PPP1R8: variants seen among roughly 807,000 people sequenced by gnomAD.
The protein encoded by PPP1R8 is nuclear inhibitor of protein phosphatase 1.
A neutral mutation model predicts 31.3 loss-of-function variants in PPP1R8; 4 were observed. The ratio of observed to expected loss-of-function variants is 0.13; its 90% CI spans 0.06 to 0.29. PPP1R8 has a LOEUF of 0.29. Ranked by LOEUF, PPP1R8 falls within the 10% of genes least tolerant of loss-of-function variation. PPP1R8 has a pLI of 1.00. For synonymous variants in PPP1R8, 170 were observed against 169.7 expected (o/e 1.00, Z -0.01); for missense variants, 254 against 440.1 (o/e 0.58, Z 3.78).
At chr1:27,833,614 A>T (rs1170889735) in intron 2 of PPP1R8, among the ~76,000 whole-genome samples, 1 of 152,228 alleles carries the variant, frequency 6.6e-6, no homozygotes. Flanking sequence ...TATTAAGCCC[A>T]CTATGACCAT....
At chr1:27,831,325 C>T (rs2089103520) in intron 1 of PPP1R8, 4 of 993,534 alleles carry the variant, frequency 4.0e-6, no homozygotes, top group Non-Finnish European at 4.8e-6. Flanking sequence ...GTTGCTGCAT[C>T]CCTCGTGCGG....
intron 2 of PPP1R8, among the ~76,000 whole-genome samples, chr1:27,837,099 A>G (rs1048876148): frequency 1.3e-5 from 2 of 151,924 alleles, no homozygotes; most frequent in African/African-American, 4.8e-5. Flanking sequence ...TTAAGATCCA[A>G]CAGAACCTTT....
At position 27,830,789 on chromosome 1, in the gene PPP1R8, T is replaced by G. The variant is rs1444323402; in HGVS notation, c.-47T>G. 4.5e-6 allele frequency: 7 copies of G among 1,555,974 alleles called. No individual in the cohort carries two copies. The African/African-American group carries it at 6.8e-5, about 15-fold the overall frequency. On this transcript the variant is annotated 5_prime_UTR_variant, in exon 1 of 7. Transcript: ENST00000311772. ...CGCTTTTCCCTTCTCGGTCTTCCAG[T>G]TTCCCGGCGTGCTTAGGGCGCGCCA...
At chr1:27,845,514 G>C (rs1353904829) in intron 5 of PPP1R8, among the ~76,000 whole-genome samples, 1 of 152,090 alleles carries the variant, frequency 6.6e-6, no homozygotes, top group Admixed American at 6.5e-5. Context: ...AGAGAAGTTT[G>C]GGATACCTTT....
rs1185916114 is a variant in PPP1R8 at position 27,830,862 on chromosome 1, T to C, written c.27T>C (p.Ser9=). 4 of 1,575,590 alleles carry C rather than the reference T, an allele frequency of 2.5e-6. No individual in the cohort carries two copies. The South Asian group carries it at 3.5e-5, about 14-fold the overall frequency. Residue 9 remains serine, a synonymous_variant, in exon 1 of 7, where the codon TCT becomes TCC. Transcript: ENST00000311772. The part of the protein sequence containing the change: MAAAANSG[S]SLPLFDCPTW... ...TGGCGGCAGCCGCGAACTCCGGCTC[T>C]AGCCTCCCGCTGTTCGACTGCCCAA...
intron 1 of PPP1R8, among the ~76,000 whole-genome samples, chr1:27,831,577 A>G (rs2089107892): frequency 6.6e-6 from 1 of 152,168 alleles, no homozygotes. Flanking sequence ...TTTCTGCTGT[A>G]GCTCATCGCA....
At chr1:27,849,325 C>T (rs1003328412) in intron 6 of PPP1R8, among the ~76,000 whole-genome samples, 77 of 145,344 alleles carry the variant, frequency 5.3e-4, no homozygotes, top group Non-Finnish European at 7.3e-4. Context: ...GAGCTGAGAT[C>T]GAGCCATTAC....
chr1:27,831,185 T>C (rs1041026338), intron 1 of PPP1R8: 1 of 1,177,442 alleles, frequency 8.5e-7, no homozygotes, highest in South Asian at 2.5e-5. Flanking sequence ...GGCCCGAACT[T>C]ACGCCCAACT....
At chr1:27,844,022 A>T (rs2089248365) in intron 5 of PPP1R8, among the ~76,000 whole-genome samples, 1 of 152,104 alleles carries the variant, frequency 6.6e-6, no homozygotes, top group African/African-American at 2.4e-5. Flanking sequence ...TGTGTGTGTG[A>T]GACACGATCT....
rs148151870 is a variant in PPP1R8, at chr1:27,850,253, G to C, written c.863G>C (p.Gly288Ala). Residue 288 changes from glycine (G) to alanine (A), a missense_variant, in exon 7 of 7, where the codon GGT becomes GCT. Gly to Ala is a moderately conservative substitution (Grantham distance 60, BLOSUM62 0). Transcript: ENST00000311772. ...GGCATCCATGGGACAGCACTCATCG[G>C]TGGCTTGCCCATGCCATACCCAAAC... ...PHGIHGTALIGGLPMPYPNLA... is the reference protein window; with the variant it reads ...PHGIHGTALIAGLPMPYPNLA... 2 of 1,614,234 alleles carry C rather than the reference G, an allele frequency of 1.2e-6. No homozygotes were observed. The highest frequency in any genetic ancestry group is 2.7e-5 in the African/African-American group (2 of 75,064).
Position 27,832,743 on chromosome 1 carries a change from T to A in PPP1R8, c.57-13T>A, listed in dbSNP as rs2089123239. The stretch of plus-strand genomic sequence containing the variant: ...CCATCCTGAAAATGCTTTTTTCTAT[T>A]TTTATTTTTCAGGGCAGGTAAGCCC... On this transcript the variant is annotated splice_polypyrimidine_tract_variant and intron_variant, in intron 1 of 6. Coordinates refer to ENST00000311772, the MANE Select transcript of PPP1R8 (RefSeq NM_014110.5). 1 of 1,604,924 alleles carries A rather than the reference T, an allele frequency of 6.2e-7. No individual in the cohort carries two copies. The highest frequency in any genetic ancestry group is 1.1e-5 in the South Asian group (1 of 89,304).
chr1:27,839,519 T>G (rs2089202474), intron 3 of PPP1R8, among the ~76,000 whole-genome samples: 1 of 151,972 alleles, frequency 6.6e-6, no homozygotes, highest in Non-Finnish European at 1.5e-5. Flanking sequence ...CACAGCAAGA[T>G]TCTGTCTCAA....
At position 27,851,321 on chromosome 1, in the gene PPP1R8, G is replaced by A; in HGVS notation, c.*875G>A. 1 of 312,114 alleles carries A rather than the reference G, an allele frequency of 3.2e-6. No individual in the cohort carries two copies. The highest frequency in any genetic ancestry group is 7.8e-5 in the East Asian group (1 of 12,756). 19.3% of individuals were successfully genotyped at this position (312,114 alleles called of 1,614,324 possible). On this transcript the variant is annotated 3_prime_UTR_variant, in exon 7 of 7. Coordinates refer to ENST00000311772, the MANE Select transcript of PPP1R8 (RefSeq NM_014110.5). ...AGGAATTTTTAGATGTCAGTTTGGA[G>A]GCTCTTTCCCCCCTCAATTGAGAGC...
intron 2 of PPP1R8, among the ~76,000 whole-genome samples, chr1:27,837,819 G>C (rs2089185131): frequency 6.6e-6 from 1 of 151,670 alleles, no homozygotes; most frequent in African/African-American, 2.4e-5. Context: ...GCTCACACCT[G>C]TAATCCCAGC....
chr1:27,847,220 A>G (rs1165284335), intron 6 of PPP1R8, 128 bp downstream of exon 6: 2 of 910,722 alleles, frequency 2.2e-6, no homozygotes, highest in Non-Finnish European at 3.5e-6. Context: ...AGGTCAAGAA[A>G]TCGAGGCCAG....
rs184236562 is a variant in PPP1R8, at chr1:27,831,456, C to T, written c.56+565C>T. Reference sequence around the variant, plus strand: ...TGGTTGGCATGAACCCTTTTTATCCCTTCGAAAGTTCTTGGGAATAATGAA... The same window carrying T: ...TGGTTGGCATGAACCCTTTTTATCCTTTCGAAAGTTCTTGGGAATAATGAA... On this transcript the variant is annotated intron_variant, in intron 1 of 6. Transcript: ENST00000311772. 13 of 674,152 alleles carry T rather than the reference C, an allele frequency of 1.9e-5. No individual in the cohort carries two copies. In the East Asian group the frequency reaches 1.5e-3, roughly 78 times the overall value. The allele number at this position is 674,152 out of a possible 1,614,324, so 41.8% of individuals were successfully genotyped here.
intron 1 of PPP1R8, chr1:27,831,167 G>A: frequency 8.1e-7 from 1 of 1,228,110 alleles, no homozygotes; most frequent in Non-Finnish European, 1.0e-6. Context: ...GGAGCGCTTC[G>A]AGGCCTTGGC....
chr1:27,836,342 T>A (rs774904880), intron 2 of PPP1R8, among the ~76,000 whole-genome samples: 29 of 152,224 alleles, frequency 1.9e-4, no homozygotes, highest in Non-Finnish European at 3.7e-4. Flanking sequence ...AACCGATCTG[T>A]GGCAAAGGCT....
At chr1:27,838,210 C>CAA (rs10719467) in intron 2 of PPP1R8, among the ~76,000 whole-genome samples, 28 of 69,934 alleles carry the variant, frequency 4.0e-4, no homozygotes, top group East Asian at 4.6e-4. Context: ...GACTCCATCT[C>CAA]AAAAAAAAAA....
Sources: gnomAD v4.1 joint callset for allele counts (sites outside exome capture counted in the v4.1 genomes callset) on GRCh38, gnomAD v4.1.1 for gene constraint, MANE v1.5 for transcripts, NCBI Gene and HGNC (gene_info 2026-07-23, HGNC 2026-07-21) for gene names.